ZNF804B: variants seen among roughly 807,000 people sequenced by gnomAD.
ZNF804B encodes the protein zinc finger 804B.
In ZNF804B, 80 loss-of-function variants were observed where a neutral mutation model predicts 101.4. The ratio of observed to expected loss-of-function variants is 0.79; its 90% confidence interval spans 0.66 to 0.95. The LOEUF (loss-of-function observed/expected upper bound fraction) is 0.95, where lower values mean the gene tolerates loss of function less well. ZNF804B is among the 40% of genes least tolerant of loss of function. The pLI is 0.00. For synonymous variants in ZNF804B, 622 were observed against 558.8 expected (o/e 1.11, Z -1.59); for missense variants, 1,673 against 1,561.9 (o/e 1.07, Z -1.20).
intron 1 of ZNF804B, among the ~76,000 whole-genome samples, chr7:88,898,526 A>G (rs1420718338): frequency 6.6e-6 from 1 of 151,766 alleles, no homozygotes; most frequent in Non-Finnish European, 1.5e-5. Context: ...TCACATGTGA[A>G]ATTCTTCACT....
At chr7:89,298,938 G>A (rs1790434511) in intron 2 of ZNF804B, among the ~76,000 whole-genome samples, 1 of 151,864 alleles carries the variant, frequency 6.6e-6, no homozygotes. Flanking sequence ...GATTGTCTCA[G>A]GGTTGCGATA....
intron 1 of ZNF804B, among the ~76,000 whole-genome samples, chr7:88,783,572 T>C (rs1790259232): frequency 6.6e-6 from 1 of 152,130 alleles, no homozygotes; most frequent in African/African-American, 2.4e-5. Context: ...TTGTCGAAGG[T>C]GAGTGATGGG....
intron 1 of ZNF804B, among the ~76,000 whole-genome samples, chr7:89,129,369 C>T (rs915054681): frequency 1.3e-5 from 2 of 151,948 alleles, no homozygotes; most frequent in Non-Finnish European, 2.9e-5. Context: ...AATCAATGCT[C>T]AGTTTAAGAA....
intron 1 of ZNF804B, among the ~76,000 whole-genome samples, chr7:89,041,812 C>T (rs1789021307): frequency 6.6e-6 from 1 of 152,244 alleles, no homozygotes; most frequent in South Asian, 2.1e-4. Context: ...TATCTGTGCC[C>T]CACCACTTGC....
intron 1 of ZNF804B, among the ~76,000 whole-genome samples, chr7:88,772,200 C>A (rs986606066): frequency 5.9e-5 from 9 of 152,176 alleles, no homozygotes; most frequent in South Asian, 4.2e-4. Context: ...TGTATAATAT[C>A]CCTGGGAGAA....
At chr7:89,021,062 A>G (rs1788659244) in intron 1 of ZNF804B, among the ~76,000 whole-genome samples, 1 of 152,126 alleles carries the variant, frequency 6.6e-6, no homozygotes, top group South Asian at 2.1e-4. Flanking sequence ...ACTGATATCT[A>G]TACATGTGGT....
intron 1 of ZNF804B, among the ~76,000 whole-genome samples, chr7:89,111,315 T>G (rs565242109): frequency 1.3e-5 from 2 of 152,356 alleles, no homozygotes; most frequent in South Asian, 4.1e-4. Flanking sequence ...CAAACTGTCT[T>G]CCAAAGTGGC....
At chr7:88,948,606 C>T (rs1484452641) in intron 1 of ZNF804B, among the ~76,000 whole-genome samples, 1 of 151,856 alleles carries the variant, frequency 6.6e-6, no homozygotes, top group East Asian at 2.0e-4. Context: ...CCAGCCTGCT[C>T]CTGCTGTCCA....
At chr7:88,815,085 T>TACATATATGTATTATGTATATTCTC (rs1790854412) in intron 1 of ZNF804B, among the ~76,000 whole-genome samples, 1 of 148,780 alleles carries the variant, frequency 6.7e-6, no homozygotes, top group African/African-American at 2.4e-5. Flanking sequence ...TATGTGTTCA[T>TACATATATGTATTATGTATATTCTC]ACATATATGT....
chr7:89,187,666 T>C (rs1337400628), intron 1 of ZNF804B, among the ~76,000 whole-genome samples: 2 of 152,168 alleles, frequency 1.3e-5, no homozygotes, highest in Admixed American at 6.6e-5. Flanking sequence ...GAGTAAATCA[T>C]TGTGGAAACT....
intron 2 of ZNF804B, among the ~76,000 whole-genome samples, chr7:89,318,574 C>T (rs1203095254): frequency 6.6e-6 from 1 of 152,126 alleles, no homozygotes; most frequent in Non-Finnish European, 1.5e-5. Flanking sequence ...ACCAGACTGG[C>T]CAACATGGCG....
At chr7:88,786,761 C>G (rs1293393810) in intron 1 of ZNF804B, among the ~76,000 whole-genome samples, 2 of 151,888 alleles carry the variant, frequency 1.3e-5, no homozygotes, top group Admixed American at 6.6e-5. Context: ...ATTTCCATTT[C>G]AATAATGAAA....
rs1413917226 is a variant in ZNF804B, at chr7:89,107,218, T to C, written c.109-110937T>C. ...ATAGTGGAGTAGTTTATTATTCTTT[T>C]GATATTTAGAATAACTTTTTGATAT... On this transcript the variant is annotated intron_variant, in intron 1 of 3. Transcript: ENST00000333190. Among the ~76,000 whole-genome samples, 5 of 152,212 alleles carry C rather than the reference T, an allele frequency of 3.3e-5. No individual in the cohort carries two copies. In the South Asian group the frequency reaches 1.0e-3, roughly 32 times the overall value.
At chr7:89,096,416 T>A (rs1389891166) in intron 1 of ZNF804B, among the ~76,000 whole-genome samples, 2 of 152,206 alleles carry the variant, frequency 1.3e-5, no homozygotes, top group East Asian at 3.9e-4. Context: ...GAAGAGTTGA[T>A]CCCGAGACTG....
At chr7:88,983,423 C>T (rs1238237122) in intron 1 of ZNF804B, among the ~76,000 whole-genome samples, 3 of 151,982 alleles carry the variant, frequency 2.0e-5, no homozygotes, top group East Asian at 3.9e-4. Context: ...TGATAATTTG[C>T]ACTTCTAGTC....
At chr7:88,885,145 A>G (rs1451075928) in intron 1 of ZNF804B, among the ~76,000 whole-genome samples, 1 of 151,968 alleles carries the variant, frequency 6.6e-6, no homozygotes, top group Admixed American at 6.6e-5. Context: ...TTTTTGGGTA[A>G]AATTCAGTTT....
chr7:89,166,734 A>C (rs1464283046), intron 1 of ZNF804B, among the ~76,000 whole-genome samples: 9 of 152,210 alleles, frequency 5.9e-5, no homozygotes, highest in Admixed American at 5.9e-4. Context: ...GAAAAGTGGA[A>C]AGATCACTTT....
intron 1 of ZNF804B, among the ~76,000 whole-genome samples, chr7:88,873,790 C>T (rs1470377741): frequency 6.6e-6 from 1 of 152,108 alleles, no homozygotes; most frequent in African/African-American, 2.4e-5. Context: ...AGATATGCGG[C>T]ATTATTTCTG....
intron 1 of ZNF804B, among the ~76,000 whole-genome samples, chr7:88,945,898 A>T (rs1247600311): frequency 6.6e-6 from 1 of 151,990 alleles, no homozygotes; most frequent in Non-Finnish European, 1.5e-5. Flanking sequence ...TTTGTCTATT[A>T]TTGGTGTATA....
Sources: gnomAD v4.1 joint callset for allele counts (sites outside exome capture counted in the v4.1 genomes callset) on GRCh38, gnomAD v4.1.1 for gene constraint, MANE v1.5 for transcripts, NCBI Gene and HGNC (gene_info 2026-07-23, HGNC 2026-07-21) for gene names.